SEC14L5: variants seen among roughly 807,000 people sequenced by gnomAD.
SEC14L5 encodes the protein SEC14 like lipid binding 5, also known as SEC14-like protein 5.
A neutral mutation model predicts 84.6 loss-of-function variants in SEC14L5; 96 were observed. The observed-to-expected ratio is 1.13, with a 90% CI of 0.96 to 1.34. The LOEUF (loss-of-function observed/expected upper bound fraction) is 1.34. Among genes scored for constraint, SEC14L5 ranks in the 40% most tolerant of loss-of-function variants. SEC14L5 has a pLI of 0.00. For missense variants in SEC14L5, 1,224 were observed against 942.5 expected, an observed-to-expected ratio of 1.30 and a Z score of -3.91; for synonymous variants, 546 against 383.4, an observed-to-expected ratio of 1.42 and a Z score of -4.95.
intron 4 of SEC14L5, among the ~76,000 whole-genome samples, chr16:4,989,933 A>G (rs781461636): frequency 6.6e-5 from 10 of 152,098 alleles, no homozygotes; most frequent in Non-Finnish European, 1.5e-4. Context: ...CAGACGTTTG[A>G]GGAGGACTAG....
chr16:4,963,850 A>C (rs922364469), intron 2 of SEC14L5, among the ~76,000 whole-genome samples: 8 of 151,370 alleles, frequency 5.3e-5, no homozygotes, highest in African/African-American at 1.9e-4. Context: ...TACTATATAA[A>C]AATTTATAAA....
Sources: gnomAD v4.1 joint callset for allele counts (sites outside exome capture counted in the v4.1 genomes callset) on GRCh38, gnomAD v4.1.1 for gene constraint, MANE v1.5 for transcripts, NCBI Gene and HGNC (gene_info 2026-07-23, HGNC 2026-07-21) for gene names.